Variants in ABCB1 observed in about 807,000 individuals in gnomAD.
ABCB1 encodes the protein ATP-dependent translocase ABCB1.
Under a neutral mutation model 142.0 loss-of-function variants are expected in ABCB1, and 69 were observed. The observed-to-expected ratio is 0.49, with a 90% CI of 0.40 to 0.59. The LOEUF (loss-of-function observed/expected upper bound fraction) is 0.59, where lower values mean the gene tolerates loss of function less well. Among genes scored for constraint, ABCB1 ranks in the 20% least tolerant of loss-of-function variants. ABCB1 has a pLI of 0.00. For synonymous variants in ABCB1, 532 were observed against 539.2 expected, an observed-to-expected ratio of 0.99 and a Z score of 0.18; for missense variants, 1,326 against 1,554.7, an observed-to-expected ratio of 0.85 and a Z score of 2.47.
intron 1 of ABCB1, among the ~76,000 whole-genome samples, chr7:87,606,518 A>C (rs1370152176): frequency 6.6e-6 from 1 of 152,170 alleles, no homozygotes; most frequent in Non-Finnish European, 1.5e-5. Context: ...CTGAATACTT[A>C]ACCACATATA....
chr7:87,611,493 A>G (rs1819848559), intron 1 of ABCB1, among the ~76,000 whole-genome samples: 2 of 151,928 alleles, frequency 1.3e-5, no homozygotes, highest in South Asian at 4.1e-4. Context: ...CTTTTTCTGC[A>G]TTAATTTGCT....
chr7:87,631,013 G>A (rs1300871948), intron 1 of ABCB1, among the ~76,000 whole-genome samples: 1 of 152,158 alleles, frequency 6.6e-6, no homozygotes, highest in Non-Finnish European at 1.5e-5. Flanking sequence ...ACTGTGAAAT[G>A]AATATGTGCT....
intron 1 of ABCB1, among the ~76,000 whole-genome samples, chr7:87,694,628 C>G (rs1828330213): frequency 6.6e-6 from 1 of 152,144 alleles, no homozygotes. Flanking sequence ...TTAATCACTA[C>G]TGACACACAT....
intron 1 of ABCB1, among the ~76,000 whole-genome samples, chr7:87,635,162 G>C (rs1821634508): frequency 6.6e-6 from 1 of 152,130 alleles, no homozygotes; most frequent in Non-Finnish European, 1.5e-5. Context: ...CCCTCTTACA[G>C]GTTTATAAAA....
intron 1 of ABCB1, among the ~76,000 whole-genome samples, chr7:87,613,745 T>C (rs1819939593): frequency 6.6e-6 from 1 of 152,162 alleles, no homozygotes; most frequent in Non-Finnish European, 1.5e-5. Flanking sequence ...TTGGGAACTA[T>C]GCTCACTACC....
chr7:87,626,207 ATATG>A (rs1313994641), intron 1 of ABCB1, among the ~76,000 whole-genome samples: 1 of 119,390 alleles, frequency 8.4e-6, no homozygotes, highest in Non-Finnish European at 1.7e-5. Flanking sequence ...TATGTCATAT[ATATG>A]TGTCATATAT....
intron 21 of ABCB1, among the ~76,000 whole-genome samples, chr7:87,525,743 G>A (rs1273400986): frequency 6.6e-6 from 1 of 152,190 alleles, no homozygotes; most frequent in Non-Finnish European, 1.5e-5. Context: ...CTGTCTCAGG[G>A]GTGGCAGAGG....
At chr7:87,549,172 AAAAC>A (rs1175974196) in intron 14 of ABCB1, among the ~76,000 whole-genome samples, 172 bp downstream of exon 14, 2 of 152,246 alleles carry the variant, frequency 1.3e-5, no homozygotes, top group Admixed American at 1.3e-4. Flanking sequence ...ATTGAACAAT[AAAAC>A]AAACAAATAG....
intron 1 of ABCB1, among the ~76,000 whole-genome samples, chr7:87,670,543 A>G (rs1421391311): frequency 6.6e-6 from 1 of 152,190 alleles, no homozygotes; most frequent in Middle Eastern, 3.2e-3. Context: ...ATGGCATACA[A>G]TACTCTGAAC....
chr7:87,624,873 CAAAA>C (rs1243182713), intron 1 of ABCB1, among the ~76,000 whole-genome samples: 2 of 151,970 alleles, frequency 1.3e-5, no homozygotes, highest in African/African-American at 2.4e-5. Context: ...CAAAACAAAA[CAAAA>C]AAGAAAAACA....
intron 1 of ABCB1, among the ~76,000 whole-genome samples, chr7:87,644,839 T>C (rs760085729): frequency 9.9e-5 from 15 of 151,916 alleles, no homozygotes; most frequent in Non-Finnish European, 1.8e-4. Flanking sequence ...TAATAAAAAC[T>C]ATAGACATTA....
intron 12 of ABCB1, 31 bp from the exon 13 acceptor site, chr7:87,550,085 C>T (rs996106913): frequency 1.2e-6 from 2 of 1,613,848 alleles, no homozygotes; most frequent in East Asian, 2.2e-5. Context: ...GACTTTCATA[C>T]ATTTGTAATT....
upstream of ABCB1, among the ~76,000 whole-genome samples, chr7:87,602,571 A>C (rs1025326182): frequency 6.6e-6 from 1 of 151,538 alleles, no homozygotes; most frequent in Non-Finnish European, 1.5e-5. Flanking sequence ...GTTGTATTTT[A>C]TGTATCCTTT....
intron 21 of ABCB1, among the ~76,000 whole-genome samples, chr7:87,525,370 A>G (rs1167720120): frequency 6.6e-6 from 1 of 152,192 alleles, no homozygotes; most frequent in Non-Finnish European, 1.5e-5. Context: ...GTAAAAAAGC[A>G]TCTACAATGG....
At chr7:87,561,418 A>G in intron 7 of ABCB1, 31 bp from the exon 8 acceptor site, 4 of 1,581,610 alleles carry the variant, frequency 2.5e-6, no homozygotes, top group Non-Finnish European at 3.5e-6. Context: ...GGATCATGAA[A>G]AAAACACGTT....
At chr7:87,631,157 G>C (rs1821172748) in intron 1 of ABCB1, among the ~76,000 whole-genome samples, 1 of 152,100 alleles carries the variant, frequency 6.6e-6, no homozygotes, top group African/African-American at 2.4e-5. Flanking sequence ...ATAGTTGATG[G>C]TGCATGTAAA....
chr7:87,640,213 A>G (rs1313855320), intron 1 of ABCB1, among the ~76,000 whole-genome samples: 1 of 149,670 alleles, frequency 6.7e-6, no homozygotes, highest in Non-Finnish European at 1.5e-5. Flanking sequence ...TATATATTAA[A>G]TCTTACATTA....
At chr7:87,509,579 T>C in intron 25 of ABCB1, 98 bp from the exon 26 acceptor site, 1 of 1,315,436 alleles carries the variant, frequency 7.6e-7, no homozygotes, top group African/African-American at 1.4e-5. Flanking sequence ...GCCAAGTTAC[T>C]GTGAGATTAA....
chr7:87,551,225 G>A (rs750036028), intron 9 of ABCB1, among the ~76,000 whole-genome samples: 20 of 151,704 alleles, frequency 1.3e-4, no homozygotes, highest in Non-Finnish European at 7.4e-5. Context: ...GTCTCGCTAC[G>A]TGTCCCAGCC....
Sources: allele counts gnomAD v4.1 joint callset (sites outside exome capture counted in the v4.1 genomes callset), GRCh38; gene constraint gnomAD v4.1.1; transcripts MANE v1.5; gene names NCBI Gene and HGNC (gene_info 2026-07-23, HGNC 2026-07-21).